The following SCFD1 variants were observed in gnomAD, a reference collection of about 807,000 sequenced individuals.
SCFD1 encodes the protein sec1 family domain-containing protein 1.
In SCFD1, 37 loss-of-function variants were observed where a neutral mutation model predicts 103.2. The observed-to-expected ratio is 0.36, with a 90% CI of 0.28 to 0.47. SCFD1 has a LOEUF of 0.47. SCFD1 is among the 20% of genes least tolerant of loss of function. The pLI is 1.00. For missense variants in SCFD1, 639 were observed against 761.2 expected (o/e 0.84, Z 1.89); for synonymous variants, 264 against 245.0 (o/e 1.08, Z -0.73).
At chr14:30,651,210 G>C (rs1182050143) in intron 9 of SCFD1, among the ~76,000 whole-genome samples, 2 of 152,112 alleles carry the variant, frequency 1.3e-5, no homozygotes, top group African/African-American at 4.8e-5. Flanking sequence ...TCAAATGGCT[G>C]AGAATTGTTT....
At chr14:30,639,048 T>A (rs1220356614) in intron 5 of SCFD1, among the ~76,000 whole-genome samples, 1 of 152,230 alleles carries the variant, frequency 6.6e-6, no homozygotes, top group Non-Finnish European at 1.5e-5. Flanking sequence ...CATAAAATAA[T>A]GGGAACAACT....
rs998054252 is a variant in SCFD1, at chr14:30,714,147, A to G, written c.1630-1777A>G. On this transcript the variant is annotated intron_variant, in intron 19 of 24. Transcript: ENST00000458591. ...TGGATCATGAGGTCAGGAGATCGAG[A>G]CCATCCTGGCTAACAAGGTGAAACC... Among the ~76,000 whole-genome samples the G allele has an allele frequency of 3.3e-5, 5 of 151,420 alleles. No homozygotes were observed. In the South Asian group the frequency reaches 1.0e-3, roughly 32 times the overall value.
chr14:30,698,240 G>A (rs745581054), intron 15 of SCFD1, among the ~76,000 whole-genome samples: 1 of 152,154 alleles, frequency 6.6e-6, no homozygotes, highest in Non-Finnish European at 1.5e-5. Flanking sequence ...GTGACAAGAG[G>A]TTCCAAGCTG....
chr14:30,653,638 G>A (rs1036870780), intron 10 of SCFD1, 50 bp downstream of exon 10: 1 of 1,228,496 alleles, frequency 8.1e-7, no homozygotes, highest in Non-Finnish European at 1.2e-6. Context: ...AACATGCAGT[G>A]TTCCCTTTAA....
chr14:30,691,657 G>T (rs868803837), intron 14 of SCFD1, among the ~76,000 whole-genome samples: 1 of 152,124 alleles, frequency 6.6e-6, no homozygotes, highest in African/African-American at 2.4e-5. Context: ...ACATTCAATG[G>T]ATTTTAGGAT....
chr14:30,690,716 TC>T (rs1268285615), intron 14 of SCFD1, among the ~76,000 whole-genome samples: 1 of 149,818 alleles, frequency 6.7e-6, no homozygotes, highest in Non-Finnish European at 1.5e-5. Context: ...TGTCTGGCGC[TC>T]CCTAGTGAGA....
At chr14:30,622,316 GGCAGTGGCTCGTGGGAGCCAA>G in exon 1 of SCFD1, 8 of 1,593,066 alleles carry the variant, frequency 5.0e-6, no homozygotes, top group Non-Finnish European at 6.0e-6. Flanking sequence ...TCCCCAGCCG[GGCAGTGGCTCGTGGGAGCCAA>G]GATGGCGGCG....
intron 14 of SCFD1, among the ~76,000 whole-genome samples, chr14:30,675,775 C>T (rs1426087528): frequency 1.3e-5 from 2 of 152,110 alleles, no homozygotes; most frequent in Non-Finnish European, 2.9e-5. Context: ...AATATAATTG[C>T]TGGCTGTCAG....
In SCFD1 at chr14:30,696,998, G is replaced by A. The variant is rs146576972; in HGVS notation, c.1339+2129G>A. ...CTGTAGTGTTGGATTGGAATTAGAG[G>A]TGTTGGTGTGAACTTAGTGTTTTCG... On this transcript the variant is annotated intron_variant, in intron 15 of 24. Coordinates refer to ENST00000458591, the MANE Select transcript of SCFD1 (RefSeq NM_016106.4). Among the ~76,000 whole-genome samples, 433 of 152,228 alleles carry A rather than the reference G, an allele frequency of 2.8e-3. 3 individuals carry two copies. The highest frequency in any genetic ancestry group is 8.5e-3 in the African/African-American group (353 of 41,530).
rs367747323 is a variant in SCFD1 at position 30,728,838 on chromosome 14, C to CTTTT, written c.1837-5937_1837-5934dup. Among the ~76,000 whole-genome samples the CTTTT allele has an allele frequency of 3.0e-5, 4 of 131,730 alleles. 1 individual carries two copies. Among genetic ancestry groups the CTTTT allele is most frequent in the African/African-American group, 2.8e-5 (1 of 35,418 alleles). The allele number at this position is 131,730 out of a possible 152,430, so 86.4% of individuals were successfully genotyped here. On this transcript the variant is annotated intron_variant, in intron 23 of 24. Transcript: ENST00000458591. ...AAATGTCTGTTTAGATCCTTTGTCC[C>CTTTT]TTTTTTTTTTTTTTTTTTCCCCCCG...
chr14:30,699,909 T>C (rs978131607), intron 15 of SCFD1, among the ~76,000 whole-genome samples: 3 of 152,170 alleles, frequency 2.0e-5, no homozygotes, highest in Non-Finnish European at 4.4e-5. Flanking sequence ...TCATTGTGAG[T>C]TTATATCTAA....
intron 4 of SCFD1, among the ~76,000 whole-genome samples, 163 bp downstream of exon 4, chr14:30,634,200 A>T (rs1207975064): frequency 6.6e-6 from 1 of 152,174 alleles, no homozygotes. Flanking sequence ...TGAAAGACTT[A>T]AAACTTTTGG....
intron 15 of SCFD1, among the ~76,000 whole-genome samples, chr14:30,695,260 A>G (rs1285400388): frequency 6.6e-6 from 1 of 152,178 alleles, no homozygotes; most frequent in Non-Finnish European, 1.5e-5. Context: ...CTAAAACTAA[A>G]TTCTGTTTTA....
chr14:30,626,964 G>C (rs1024542782), intron 1 of SCFD1, among the ~76,000 whole-genome samples: 1 of 152,154 alleles, frequency 6.6e-6, no homozygotes, highest in East Asian at 1.9e-4. Context: ...GGTGATTTTA[G>C]TATTACATAG....
intron 1 of SCFD1, among the ~76,000 whole-genome samples, chr14:30,626,241 A>G (rs1277919070): frequency 2.0e-5 from 3 of 152,116 alleles, no homozygotes; most frequent in Non-Finnish European, 1.5e-5. Flanking sequence ...AGTAGGTAAT[A>G]TTGGTAATGT....
chr14:30,703,075 TA>T (rs1891188219), intron 17 of SCFD1, among the ~76,000 whole-genome samples: 2 of 151,774 alleles, frequency 1.3e-5, no homozygotes, highest in African/African-American at 4.8e-5. Flanking sequence ...AAAAAAATTA[TA>T]ACACTCTTCA....
At chr14:30,630,428 C>A in intron 2 of SCFD1, 49 bp from the exon 3 acceptor site, 2 of 1,002,230 alleles carry the variant, frequency 2.0e-6, no homozygotes, top group South Asian at 1.3e-5. Flanking sequence ...AATATAGGTT[C>A]ACTATTGGTT....
intron 3 of SCFD1, 51 bp from the exon 4 acceptor site, chr14:30,633,896 G>A: frequency 9.2e-7 from 1 of 1,085,668 alleles, no homozygotes; most frequent in Non-Finnish European, 1.4e-6. Flanking sequence ...GAGGAATATT[G>A]TTTTAAATAA....
Position 30,734,850 on chromosome 14 carries a change from A to G in SCFD1, c.1897A>G (p.Ile633Val). ...TGAGCTTTTTAATGCTACACAGTTC[A>G]TAAAACAGGTAAAGTATACATTTGT... is the stretch of plus-strand genomic sequence containing the variant. Reference protein sequence around the residue: ...CSELFNATQFIKQLSQLGQK With the variant: ...CSELFNATQFVKQLSQLGQK The change falls in exon 24 of 25, where the codon ATA becomes GTA. Residue 633 changes from isoleucine (I) to valine (V), a missense_variant. Transcript: ENST00000458591. 1 of 1,609,758 alleles carries G rather than the reference A, an allele frequency of 6.2e-7. No homozygotes were observed. The highest frequency in any genetic ancestry group is 8.5e-7 in the Non-Finnish European group (1 of 1,176,152).
Sources: gnomAD v4.1 joint callset for allele counts (sites outside exome capture counted in the v4.1 genomes callset) on GRCh38, gnomAD v4.1.1 for gene constraint, MANE v1.5 for transcripts, NCBI Gene and HGNC (gene_info 2026-07-23, HGNC 2026-07-21) for gene names.